CEP350: variants seen among roughly 807,000 people sequenced by gnomAD.
The protein encoded by CEP350 is centrosomal protein 350.
CEP350 carries 126 observed loss-of-function variants against 331.8 expected under a neutral mutation model. The observed-to-expected ratio is 0.38, with a 90% CI of 0.33 to 0.44. The LOEUF is 0.44. Ranked by LOEUF, CEP350 falls within the 20% of genes least tolerant of loss-of-function variation. CEP350 has a pLI of 1.00. For missense variants in CEP350, 3,406 were observed against 3,634.6 expected (o/e 0.94, Z 1.62); for synonymous variants, 1,200 against 1,259.5 (o/e 0.95, Z 1.00).
rs190567883 is a variant in CEP350 at position 179,961,856 on chromosome 1, A to T, written c.-14+6714A>T. On this transcript the variant is annotated intron_variant, in intron 1 of 37. Transcript: ENST00000367607. ...CTTTACCCCTTACCTGTCACTTCCC[A>T]CCTTTTTTTTTGAGATGGAGTCTCT... is the stretch of plus-strand genomic sequence containing the variant. Among the ~76,000 whole-genome samples, 5 of 150,606 alleles carry T rather than the reference A, an allele frequency of 3.3e-5. No individual in the cohort carries two copies. The East Asian group carries it at 9.7e-4, about 29-fold the overall frequency.
At chr1:180,016,024 A>T in intron 11 of CEP350, 54 bp downstream of exon 11, 1 of 1,601,088 alleles carries the variant, frequency 6.2e-7, no homozygotes, top group South Asian at 1.1e-5. Context: ...AATTTAGCGG[A>T]GTGGTCTATG....
chr1:180,106,229 T>A (rs1214839466), intron 37 of CEP350, among the ~76,000 whole-genome samples: 1 of 152,214 alleles, frequency 6.6e-6, no homozygotes, highest in Non-Finnish European at 1.5e-5. Context: ...TAGCTAATGA[T>A]TGAGTCTCCT....
chr1:180,037,097 T>G lies in CEP350; in HGVS notation c.4110+8T>G. On this transcript the variant is annotated splice_region_variant and intron_variant, in intron 17 of 37. Transcript: ENST00000367607. ...CTAGCTCAGATAATAAAGGTATTTT[T>G]GGAGTTTTTTAGCTTTCTGTGGTTT... 1.9e-6 allele frequency: 3 copies of G among 1,555,202 alleles called. No homozygotes were observed. Among genetic ancestry groups the G allele is most frequent in the Non-Finnish European group, 2.6e-6 (3 of 1,156,478 alleles).
Position 180,042,959 on chromosome 1 carries a change from A to G in CEP350, c.4363-97A>G. 4 of 1,379,862 alleles carry G rather than the reference A, an allele frequency of 2.9e-6. No homozygotes were observed. Among genetic ancestry groups the G allele is most frequent in the Non-Finnish European group, 3.9e-6 (4 of 1,015,346 alleles). 85.5% of individuals were successfully genotyped at this position (1,379,862 alleles called of 1,614,324 possible). ...TAGTGGCAGAATTTGCTTGTTCTCA[A>G]GTCAGTGATCTTTCTTTCCAAGACA... On this transcript the variant is annotated intron_variant, in intron 19 of 37. Coordinates refer to ENST00000367607, the MANE Select transcript of CEP350 (RefSeq NM_014810.5).
chr1:180,076,428 G>T (rs1659230591), intron 28 of CEP350, among the ~76,000 whole-genome samples: 1 of 152,136 alleles, frequency 6.6e-6, no homozygotes, highest in Non-Finnish European at 1.5e-5. Flanking sequence ...TGATAATGTG[G>T]TGAATTACCT....
In CEP350 at chr1:180,062,239, A is replaced by G. The variant is rs1658270700; in HGVS notation, c.5282A>G (p.Gln1761Arg). ...CCTTAGGCAGAAATAAAACGTCTTC[A>G]AGAAGCCAATAAGGCAGCTCGGAAG... ...QQEKAEIKRL[Q>R]EANKAARKER... The change falls in exon 26 of 38, where the codon CAA (glutamine) becomes CGA (arginine). Residue 1761 changes from glutamine (Q) to arginine (R), a missense_variant. Gln to Arg is a conservative substitution (Grantham distance 43). This residue lies in a region of CEP350 where 1,415 missense variants were observed against 1,512.3 expected (regional missense o/e 0.94). Transcript: ENST00000367607. 4 of 1,609,804 alleles carry G rather than the reference A, an allele frequency of 2.5e-6. No individual in the cohort carries two copies. Among genetic ancestry groups the G allele is most frequent in the Non-Finnish European group, 3.4e-6 (4 of 1,177,936 alleles).
At chr1:180,025,881 G>A (rs1373470757) in intron 14 of CEP350, among the ~76,000 whole-genome samples, 1 of 152,092 alleles carries the variant, frequency 6.6e-6, no homozygotes, top group African/African-American at 2.4e-5. Flanking sequence ...AAACCTGCAT[G>A]TTCTGCACAT....
chr1:179,969,130 G>A, intron 1 of CEP350: 1 of 656,270 alleles, frequency 1.5e-6, no homozygotes, highest in Admixed American at 1.8e-5. Flanking sequence ...GCAACAATAA[G>A]GAAGCTCACT....
chr1:180,018,891 G>A (rs1400290334), intron 11 of CEP350, among the ~76,000 whole-genome samples: 1 of 131,052 alleles, frequency 7.6e-6, no homozygotes, highest in African/African-American at 2.8e-5. Context: ...CAGTCTTACT[G>A]TGTCTTCCAG....
At chr1:180,065,948 T>A (rs1388158849) in intron 27 of CEP350, among the ~76,000 whole-genome samples, 1 of 152,184 alleles carries the variant, frequency 6.6e-6, no homozygotes, top group Non-Finnish European at 1.5e-5. Context: ...TTTCATCCTG[T>A]GACTCTCTGG....
intron 8 of CEP350, among the ~76,000 whole-genome samples, chr1:180,010,553 A>G (rs1379212969): frequency 6.6e-6 from 1 of 151,290 alleles, no homozygotes; most frequent in Non-Finnish European, 1.5e-5. Flanking sequence ...GTGCTACTAC[A>G]TTATTTTCAT....
intron 6 of CEP350, among the ~76,000 whole-genome samples, chr1:179,997,577 T>G (rs1653552616): frequency 2.0e-5 from 3 of 151,590 alleles, no homozygotes; most frequent in Admixed American, 2.0e-4. Context: ...TCAACATACA[T>G]GTTAAAAATA....
intron 1 of CEP350, among the ~76,000 whole-genome samples, chr1:179,975,196 G>A (rs1023658649): frequency 6.6e-6 from 1 of 152,032 alleles, no homozygotes; most frequent in Non-Finnish European, 1.5e-5. Flanking sequence ...TGGATATTCA[G>A]AAAGTGTACT....
chr1:180,000,413 C>T (rs1343129496), intron 6 of CEP350: 2 of 151,634 alleles, frequency 1.3e-5, no homozygotes, highest in African/African-American at 4.9e-5. Flanking sequence ...CAGATAAAGT[C>T]ATTGCAGAAT....
intron 26 of CEP350, 25 bp downstream of exon 26, chr1:180,062,391 GT>G (rs779232045): frequency 5.7e-5 from 89 of 1,560,862 alleles, no homozygotes; most frequent in Non-Finnish European, 7.6e-5. Context: ...GTTATTATTT[GT>G]TTCCTGTCTT....
intron 11 of CEP350, among the ~76,000 whole-genome samples, chr1:180,018,367 C>T (rs1179579408): frequency 6.6e-6 from 1 of 152,072 alleles, no homozygotes; most frequent in Non-Finnish European, 1.5e-5. Flanking sequence ...TGTTTCTCTA[C>T]CATCAACATA....
Position 179,992,695 on chromosome 1 carries a change from G to A in CEP350, c.395+474G>A, listed in dbSNP as rs141908255. Among the ~76,000 whole-genome samples the A allele has an allele frequency of 2.2e-3, 333 of 152,000 alleles. 1 individual carries two copies. Among genetic ancestry groups the A allele is most frequent in the African/African-American group, 7.4e-3 (307 of 41,452 alleles). ...TTATTGTTTTATTTTGTTGCCAATG[G>A]CTTTCAGCAACTTAGATGTTCAAGA... On this transcript the variant is annotated intron_variant, in intron 5 of 37. Coordinates refer to ENST00000367607, the MANE Select transcript of CEP350 (RefSeq NM_014810.5).
chr1:180,054,316 A>G, intron 24 of CEP350, 99 bp from the exon 25 acceptor site: 1 of 972,822 alleles, frequency 1.0e-6, no homozygotes, highest in Non-Finnish European at 1.6e-6. Context: ...AAAATGTTAA[A>G]TTGGTTTGTA....
chr1:180,066,444 C>G (rs1658551989), intron 27 of CEP350, among the ~76,000 whole-genome samples: 2 of 152,092 alleles, frequency 1.3e-5, no homozygotes, highest in Admixed American at 6.5e-5. Flanking sequence ...TAATAATGCT[C>G]TATGTTTATA....
Sources: gnomAD v4.1 joint callset for allele counts (sites outside exome capture counted in the v4.1 genomes callset) on GRCh38, gnomAD v4.1.1 for gene constraint, gnomAD v4.1.1 regional missense constraint, MANE v1.5 for transcripts, NCBI Gene and HGNC (gene_info 2026-07-23, HGNC 2026-07-21) for gene names.